Variants in MAGI2 observed in about 807,000 individuals in gnomAD.
MAGI2 encodes the protein membrane associated guanylate kinase, WW and PDZ domain containing 2.
MAGI2 carries 35 observed loss-of-function variants against 133.3 expected under a neutral mutation model. The observed-to-expected ratio is 0.26, with a 90% CI of 0.20 to 0.35. The LOEUF (loss-of-function observed/expected upper bound fraction) is 0.35. Ranked by LOEUF, MAGI2 falls within the 10% of genes least tolerant of loss-of-function variation. The pLI, the probability that MAGI2 is intolerant of heterozygous loss-of-function variation, is 1.00. For missense variants in MAGI2, 1,636 were observed against 1,863.4 expected, an observed-to-expected ratio of 0.88 and a Z score of 2.25; for synonymous variants, 729 against 710.6, an observed-to-expected ratio of 1.03 and a Z score of -0.41.
chr7:79,262,665 C>T (rs772361768), intron 1 of MAGI2, among the ~76,000 whole-genome samples: 15 of 152,088 alleles, frequency 9.9e-5, no homozygotes, highest in Admixed American at 5.2e-4. Context: ...TTGCTAGACC[C>T]GGGTAGGATA....
intron 2 of MAGI2, among the ~76,000 whole-genome samples, chr7:79,003,326 T>G (rs1187524364): frequency 6.6e-6 from 1 of 152,196 alleles, no homozygotes; most frequent in East Asian, 1.9e-4. Flanking sequence ...ATGTAGTGGT[T>G]GTAAGCAGAA....
chr7:79,402,194 T>A (rs891574045), intron 1 of MAGI2, among the ~76,000 whole-genome samples: 1 of 152,094 alleles, frequency 6.6e-6, no homozygotes, highest in Non-Finnish European at 1.5e-5. Flanking sequence ...ATCTTAAAAA[T>A]CTAAGATTAT....
chr7:79,430,451 T>C (rs11767280), intron 1 of MAGI2, among the ~76,000 whole-genome samples: 6 of 152,240 alleles, frequency 3.9e-5, no homozygotes, highest in Non-Finnish European at 8.8e-5. Flanking sequence ...GTCCTTTGTG[T>C]ACTTAGTAAT....
rs1314949789 is a variant in MAGI2 at position 78,178,059 on chromosome 7, C to T, written c.2355G>A (p.Glu785=). ...CGAGGATTCTGAAGCCAAATCCAGA[C>T]TCCATCCTCCGAAGATGAACATCCA... ...KELDVHLRRM[E]SGFGFRILGG... is the part of the protein sequence containing the mutation. Residue 785 remains glutamate, a synonymous_variant, in exon 14 of 22, where the codon GAG becomes GAA. Transcript: ENST00000354212. 1.2e-6 allele frequency: 2 copies of T among 1,613,290 alleles called. No individual in the cohort carries two copies.
intron 1 of MAGI2, among the ~76,000 whole-genome samples, chr7:79,015,925 TGGGTCAAA>T (rs1165374638): frequency 7.0e-6 from 1 of 143,864 alleles, no homozygotes; most frequent in African/African-American, 2.6e-5. Context: ...ACACAGATAC[TGGGTCAAA>T]GGGGCAGGAA....
chr7:78,444,430 G>A (rs539634964), intron 6 of MAGI2, among the ~76,000 whole-genome samples: 158 of 152,122 alleles, frequency 1.0e-3, no homozygotes, highest in African/African-American at 3.6e-3. Flanking sequence ...CTCTAAAGGT[G>A]AAAGAAACCC....
intron 2 of MAGI2, among the ~76,000 whole-genome samples, chr7:79,003,253 A>C (rs1042671266): frequency 5.3e-5 from 8 of 152,152 alleles, no homozygotes; most frequent in African/African-American, 1.9e-4. Flanking sequence ...CTTACTAGGC[A>C]CCAATAAATT....
chr7:79,425,801 AG>A (rs1406535061), intron 1 of MAGI2, among the ~76,000 whole-genome samples: 1 of 151,812 alleles, frequency 6.6e-6, no homozygotes, highest in Non-Finnish European at 1.5e-5. Context: ...GGAGGAAAAG[AG>A]GGGGAGAAAG....
intron 2 of MAGI2, among the ~76,000 whole-genome samples, chr7:78,870,903 T>G (rs1794977295): frequency 6.6e-6 from 1 of 152,122 alleles, no homozygotes; most frequent in Non-Finnish European, 1.5e-5. Flanking sequence ...CTCTGCAACC[T>G]GGGTGGAGCT....
At chr7:78,184,167 A>T (rs576510348) in intron 13 of MAGI2, among the ~76,000 whole-genome samples, 162 of 152,330 alleles carry the variant, frequency 1.1e-3, no homozygotes, top group African/African-American at 3.6e-3. Context: ...TTTTGTGACC[A>T]GTAAGCTGAG....
At chr7:78,025,741 G>T (rs1249669014) in intron 21 of MAGI2, among the ~76,000 whole-genome samples, 1 of 152,158 alleles carries the variant, frequency 6.6e-6, no homozygotes, top group Non-Finnish European at 1.5e-5. Context: ...TGGGGAGAGG[G>T]AACAAGGAGG....
intron 15 of MAGI2, among the ~76,000 whole-genome samples, chr7:78,162,950 G>A (rs3960426): frequency 0.14 from 21,455 of 151,958 alleles, 1,882 homozygotes; most frequent in Non-Finnish European, 0.19. Context: ...GGCATTAACA[G>A]CCTTGTTTTA....
chr7:78,784,943 A>ATT (rs199727357), intron 2 of MAGI2, among the ~76,000 whole-genome samples: 1 of 152,070 alleles, frequency 6.6e-6, no homozygotes, highest in African/African-American at 2.4e-5. Context: ...GCTTAGAACT[A>ATT]TTTTTTTGCA....
At chr7:78,905,499 G>C (rs1052886605) in intron 2 of MAGI2, among the ~76,000 whole-genome samples, 1 of 152,162 alleles carries the variant, frequency 6.6e-6, no homozygotes, top group Non-Finnish European at 1.5e-5. Context: ...TCAGTATTTA[G>C]TGCATTGCCT....
intron 2 of MAGI2, among the ~76,000 whole-genome samples, chr7:78,947,809 ATTTG>A (rs1191673747): frequency 6.6e-6 from 1 of 152,020 alleles, no homozygotes; most frequent in African/African-American, 2.4e-5. Context: ...TAATGGTAAC[ATTTG>A]TTTGTTTGTT....
intron 1 of MAGI2, among the ~76,000 whole-genome samples, chr7:79,079,871 T>A (rs1479001226): frequency 6.6e-6 from 1 of 152,114 alleles, no homozygotes; most frequent in Non-Finnish European, 1.5e-5. Flanking sequence ...GGTAAAATAA[T>A]TTCACAATGT....
At chr7:79,176,965 T>C (rs1826154164) in intron 1 of MAGI2, 1 of 152,008 alleles carries the variant, frequency 6.6e-6, no homozygotes, top group South Asian at 2.1e-4. Flanking sequence ...AACCTTGTTT[T>C]TGACACTTTG....
chr7:78,270,468 G>A (rs1448962540), intron 9 of MAGI2, among the ~76,000 whole-genome samples: 3 of 152,058 alleles, frequency 2.0e-5, no homozygotes, highest in African/African-American at 7.2e-5. Context: ...TTCTTGAAGA[G>A]GTCCTTCACA....
At chr7:78,741,264 C>T (rs887497278) in intron 2 of MAGI2, among the ~76,000 whole-genome samples, 4 of 151,688 alleles carry the variant, frequency 2.6e-5, no homozygotes, top group East Asian at 3.9e-4. Context: ...CTAGAAAGAA[C>T]GTAATGAGAG....
Sources: gnomAD v4.1 joint callset for allele counts (sites outside exome capture counted in the v4.1 genomes callset) on GRCh38, gnomAD v4.1.1 for gene constraint, MANE v1.5 for transcripts, NCBI Gene and HGNC (gene_info 2026-07-23, HGNC 2026-07-21) for gene names.